RBM5: variants seen among roughly 807,000 people sequenced by gnomAD.
The protein encoded by RBM5 is RNA-binding protein 5.
RBM5 carries 15 observed loss-of-function variants against 124.6 expected under a neutral mutation model. The observed-to-expected ratio is 0.12, with a 90% CI of 0.08 to 0.19. The LOEUF (loss-of-function observed/expected upper bound fraction) is 0.19, where lower values mean the gene tolerates loss of function less well. Ranked by LOEUF, RBM5 falls within the 10% of genes least tolerant of loss-of-function variation. The pLI is 1.00. For synonymous variants in RBM5, 337 were observed against 361.2 expected (o/e 0.93, Z 0.76); for missense variants, 580 against 1,026.5 (o/e 0.57, Z 5.94).
rs775692481 is a variant in RBM5 at position 50,115,993 on chromosome 3, CTG to C, written c.2094+16_2094+17del. 5.0e-6 allele frequency: 8 copies of C among 1,603,930 alleles called. No individual in the cohort carries two copies. The highest frequency in any genetic ancestry group is 2.2e-5 in the East Asian group (1 of 44,846). The stretch of plus-strand genomic sequence containing the variant: ...AAGGGAGAGAGAGGTGAATGGGAAA[CTG>C]TGCCACAAGGAAGAGGATATTGGGA... On this transcript the variant is annotated intron_variant, in intron 22 of 24. Coordinates refer to ENST00000347869, the MANE Select transcript of RBM5 (RefSeq NM_005778.4).
intron 2 of RBM5, 48 bp from the exon 3 acceptor site, chr3:50,091,995 G>C (rs1316162031): frequency 6.3e-7 from 1 of 1,580,778 alleles, no homozygotes; most frequent in Non-Finnish European, 8.7e-7. Flanking sequence ...GTCTTTTAAA[G>C]GTACAAAATG....
chr3:50,102,985 A>T, intron 6 of RBM5, 98 bp from the exon 7 acceptor site: 1 of 951,410 alleles, frequency 1.1e-6, no homozygotes, highest in Non-Finnish European at 1.7e-6. Flanking sequence ...TTGTCCATTT[A>T]ATTCCAGAGC....
chr3:50,113,955 C>G lies in RBM5; in HGVS notation c.1623C>G (p.Ala541=). The change falls in exon 19 of 25, where the codon GCC becomes GCG. Residue 541 remains alanine (A), a synonymous_variant. Transcript: ENST00000347869. The part of the protein sequence containing the change: ...KPKSKTAQQI[A]KDMERWAKSL... ...TGTTTGTTGTTTGACATTAGATTGC[C>G]AAAGACATGGAACGCTGGGCTAAGA... 6.2e-7 allele frequency: 1 copy of G among 1,610,640 alleles called. No homozygotes were observed. The highest frequency in any genetic ancestry group is 1.7e-5 in the Admixed American group (1 of 59,182).
chr3:50,091,692 C>A (rs1459561710), intron 2 of RBM5, among the ~76,000 whole-genome samples: 3 of 152,160 alleles, frequency 2.0e-5, no homozygotes, highest in Non-Finnish European at 4.4e-5. Context: ...TGCTTTCTTC[C>A]TGTTTTTGGT....
Position 50,109,670 on chromosome 3 carries a change from C to T in RBM5, c.1260C>T (p.Ser420=), listed in dbSNP as rs1199445654. 2 of 1,613,578 alleles carry T rather than the reference C, an allele frequency of 1.2e-6. No individual in the cohort carries two copies. Among genetic ancestry groups the T allele is most frequent in the Non-Finnish European group, 1.7e-6 (2 of 1,179,586 alleles). Residue 420 remains serine (S), a synonymous_variant, in exon 15 of 25, where the codon TCC becomes TCT. Transcript: ENST00000347869. Reference sequence around the variant, plus strand: ...GTCCTCAGCTGTATAATCAAACCTCCAATCCACCTGGCTCTCCGGTAATCC... The same window carrying T: ...GTCCTCAGCTGTATAATCAAACCTCTAATCCACCTGGCTCTCCGGTAATCC... ...SQSPQLYNQT[S]NPPGSPTEEA... is the part of the protein sequence containing the mutation.
At chr3:50,105,825 A>C in intron 10 of RBM5, 116 bp downstream of exon 10, 1 of 1,154,920 alleles carries the variant, frequency 8.7e-7, no homozygotes, top group Non-Finnish European at 1.2e-6. Flanking sequence ...AAGGCTCCCT[A>C]ATGACAGTTT....
Position 50,115,923 on chromosome 3 carries a change from T to C in RBM5, c.2037T>C (p.Tyr679=), listed in dbSNP as rs1138536. The change falls in exon 22 of 25, where the codon TAT becomes TAC. Residue 679 remains tyrosine, a synonymous_variant. Coordinates refer to ENST00000347869, the MANE Select transcript of RBM5 (RefSeq NM_005778.4). ...TTGTGTAGCAAAACATGGACATCTA[T>C]CGACGATCCAGGCTGAGCGAGCAGG... ...SDLHKQNMDI[Y]RRSRLSEQEL... is the part of the protein sequence containing the mutation. 0.61 allele frequency: 984,215 copies of C among 1,612,388 alleles called. 307,161 individuals carry two copies. Among genetic ancestry groups the C allele is most frequent in the East Asian group, 0.87 (39,134 of 44,856 alleles).
At position 50,113,431 on chromosome 3, in the gene RBM5, A is replaced by G. The variant is rs1014131293; in HGVS notation, c.1504A>G (p.Lys502Glu). The G allele has an allele frequency of 1.2e-6, 2 of 1,614,046 alleles. No individual in the cohort carries two copies. The highest frequency in any genetic ancestry group is 1.7e-6 in the Non-Finnish European group (2 of 1,179,982). ...TQQYLYWDGE[K>E]ETYVPAAESS... The stretch of plus-strand genomic sequence containing the variant: ...GCAGTACCTTTACTGGGATGGGGAA[A>G]AAGAGACCTACGTGCCAGCTGCAGA... The change falls in exon 18 of 25, where the codon AAA (lysine) becomes GAA (glutamate). Residue 502 changes from lysine to glutamate, a missense_variant. Lys to Glu is a moderately conservative substitution (Grantham distance 56). This residue lies in a region of RBM5 where 234 missense variants were observed against 435.1 expected (regional missense o/e 0.54). Coordinates refer to ENST00000347869, the MANE Select transcript of RBM5 (RefSeq NM_005778.4).
At chr3:50,104,131 G>T in intron 7 of RBM5, 117 bp from the exon 8 acceptor site, 1 of 797,434 alleles carries the variant, frequency 1.3e-6, no homozygotes, top group Non-Finnish European at 2.1e-6. Flanking sequence ...TCTCAGCTAC[G>T]TGAGACTTTC....
At chr3:50,091,535 A>C (rs1317437267) in intron 2 of RBM5, among the ~76,000 whole-genome samples, 3 of 152,182 alleles carry the variant, frequency 2.0e-5, no homozygotes, top group African/African-American at 7.2e-5. Flanking sequence ...CTGACAGACA[A>C]CTAAGTTGCC....
chr3:50,106,118 A>ATTT (rs61297967), intron 10 of RBM5, among the ~76,000 whole-genome samples: 586 of 32,770 alleles, frequency 0.018, 88 homozygotes, highest in Non-Finnish European at 0.023. Context: ...ACGCCCAGCT[A>ATTT]TTTTTTTTTT....
At chr3:50,094,453 T>G (rs2090769087) in intron 4 of RBM5, 1 of 152,312 alleles carries the variant, frequency 6.6e-6, no homozygotes, top group South Asian at 2.1e-4. Flanking sequence ...TAAATAATTT[T>G]ATACACAAAA....
At chr3:50,104,161 G>A in intron 7 of RBM5, 87 bp from the exon 8 acceptor site, 1 of 1,098,956 alleles carries the variant, frequency 9.1e-7, no homozygotes, top group Non-Finnish European at 1.4e-6. Flanking sequence ...GTTAGTTACT[G>A]GGACCTACCC....
In RBM5 at chr3:50,100,335, G is replaced by C; in HGVS notation, c.410-197G>C. ...GGTTACTTTAAGCGTGGAATCAAATGGAGTGGCATTTAGTTCAGGCGGCTT... is the reference window on the plus strand; with the variant it reads ...GGTTACTTTAAGCGTGGAATCAAATCGAGTGGCATTTAGTTCAGGCGGCTT... On this transcript the variant is annotated intron_variant, in intron 5 of 24. Transcript: ENST00000347869. The surrounding 1 kb of genome is among the most constrained non-coding windows in gnomAD (Gnocchi z 5.1). 2 of 559,460 alleles carry C rather than the reference G, an allele frequency of 3.6e-6. No homozygotes were observed. Among genetic ancestry groups the C allele is most frequent in the Non-Finnish European group, 6.3e-6 (2 of 317,680 alleles). 34.7% of individuals were successfully genotyped at this position (559,460 alleles called of 1,614,324 possible).
intron 12 of RBM5, 83 bp from the exon 13 acceptor site, chr3:50,107,987 C>G: frequency 8.3e-7 from 1 of 1,200,110 alleles, no homozygotes; most frequent in East Asian, 2.4e-5. Flanking sequence ...CGCCCAGCAT[C>G]ATGAGCTCAT....
At chr3:50,109,787 G>GT in intron 15 of RBM5, 99 bp downstream of exon 15, 2 of 854,800 alleles carry the variant, frequency 2.3e-6, no homozygotes, top group South Asian at 3.0e-5. Context: ...CCAGGATTGA[G>GT]TAATACACAC....
At chr3:50,089,318 G>A (rs1419149870) in intron 1 of RBM5, among the ~76,000 whole-genome samples, 2 of 152,200 alleles carry the variant, frequency 1.3e-5, no homozygotes, top group African/African-American at 4.8e-5. Context: ...TGGAGCCGTC[G>A]CCTGTCCCTC....
intron 2 of RBM5, 29 bp from the exon 3 acceptor site, chr3:50,092,014 T>C (rs1472536838): frequency 6.2e-7 from 1 of 1,610,796 alleles, no homozygotes; most frequent in Admixed American, 1.7e-5. Context: ...TGTGACTGAC[T>C]TTAGAATGAA....
At chr3:50,110,168 G>A (rs375647277) in intron 15 of RBM5, among the ~76,000 whole-genome samples, 36 of 152,340 alleles carry the variant, frequency 2.4e-4, no homozygotes, top group Admixed American at 4.6e-4. Context: ...CCAAGATTGC[G>A]CCACTGCAGT....
Sources: allele counts gnomAD v4.1 joint callset (sites outside exome capture counted in the v4.1 genomes callset), GRCh38; gene constraint gnomAD v4.1.1; regional missense constraint gnomAD v4.1.1; non-coding constraint Gnocchi (gnomAD v3.1); transcripts MANE v1.5; gene names NCBI Gene and HGNC (gene_info 2026-07-23, HGNC 2026-07-21).